Variants in AFG1L observed in about 807,000 individuals in gnomAD.
AFG1L encodes the protein AFG1-like ATPase.
In AFG1L, 53 loss-of-function variants were observed where a neutral mutation model predicts 62.2. That is an observed-to-expected ratio of 0.85 (90% CI 0.68 to 1.07). The LOEUF (loss-of-function observed/expected upper bound fraction) is 1.07. Among genes scored for constraint, AFG1L ranks in the 50% least tolerant of loss-of-function variants. The pLI is 0.00. For synonymous variants in AFG1L, 228 were observed against 210.3 expected (o/e 1.08, Z -0.73); for missense variants, 555 against 590.5 (o/e 0.94, Z 0.62).
intron 1 of AFG1L, 36 bp downstream of exon 1, chr6:108,295,254 G>A (rs1256527069): frequency 1.3e-6 from 2 of 1,572,688 alleles, no homozygotes; most frequent in Non-Finnish European, 1.7e-6. Context: ...CGAGCCGACT[G>A]CATATGACTG....
chr6:108,318,727 G>A lies in AFG1L; in HGVS notation c.140-5098G>A, dbSNP rs17069485. Among the ~76,000 whole-genome samples the A allele has an allele frequency of 5.1e-3, 783 of 152,260 alleles. 6 individuals are homozygous for A. The highest frequency in any genetic ancestry group is 0.018 in the African/African-American group (753 of 41,550). ...AAATTGAAGTATTCGAAAGAATAGC[G>A]CAGACTTTTTGGGTTCCTAAAATCT... On this transcript the variant is annotated intron_variant, in intron 1 of 12. Transcript: ENST00000368977.
At chr6:108,297,265 G>A (rs1048662593) in intron 1 of AFG1L, among the ~76,000 whole-genome samples, 1 of 151,780 alleles carries the variant, frequency 6.6e-6, no homozygotes, top group African/African-American at 2.4e-5. Flanking sequence ...CCACCACCAC[G>A]CCTGGCTAGT....
intron 1 of AFG1L, among the ~76,000 whole-genome samples, chr6:108,303,845 A>C (rs1489965944): frequency 6.6e-6 from 1 of 152,262 alleles, no homozygotes; most frequent in Non-Finnish European, 1.5e-5. Context: ...TCTTTTGAAA[A>C]AAATTAGATC....
At chr6:108,310,445 A>G (rs750567602) in intron 1 of AFG1L, among the ~76,000 whole-genome samples, 92 of 152,062 alleles carry the variant, frequency 6.1e-4, no homozygotes, top group Non-Finnish European at 1.1e-3. Flanking sequence ...TCCTTTGTCC[A>G]TTTAAAAATT....
chr6:108,493,912 C>A (rs527880142), intron 10 of AFG1L, among the ~76,000 whole-genome samples: 1 of 152,302 alleles, frequency 6.6e-6, no homozygotes, highest in Non-Finnish European at 1.5e-5. Context: ...TCTCAGCTCA[C>A]TGCAACCTCC....
At chr6:108,310,803 C>T (rs375316664) in intron 1 of AFG1L, among the ~76,000 whole-genome samples, 2 of 151,940 alleles carry the variant, frequency 1.3e-5, no homozygotes, top group Non-Finnish European at 2.9e-5. Flanking sequence ...TCAAACTCCT[C>T]GGCTCTGAAG....
intron 6 of AFG1L, among the ~76,000 whole-genome samples, chr6:108,380,866 TCTTC>T (rs1780476186): frequency 6.6e-6 from 1 of 152,158 alleles, no homozygotes; most frequent in Non-Finnish European, 1.5e-5. Flanking sequence ...AGAGGAGACT[TCTTC>T]CTTTCTCACA....
At chr6:108,403,543 AGTAATTTTTTTCCCTTTATAT>A (rs1229066357) in intron 7 of AFG1L, among the ~76,000 whole-genome samples, 2 of 152,156 alleles carry the variant, frequency 1.3e-5, no homozygotes, top group African/African-American at 4.8e-5. Flanking sequence ...TTATGCTGTT[AGTAATTTTTTTCCCTTTATAT>A]TCATGCTTTG....
At chr6:108,440,222 A>G (rs951970832) in intron 7 of AFG1L, among the ~76,000 whole-genome samples, 10 of 152,098 alleles carry the variant, frequency 6.6e-5, no homozygotes, top group African/African-American at 2.4e-4. Context: ...TCTGTTGCCC[A>G]GGCTGGAGCA....
intron 10 of AFG1L, among the ~76,000 whole-genome samples, chr6:108,498,084 T>C (rs983489567): frequency 6.6e-6 from 1 of 152,184 alleles, no homozygotes; most frequent in Non-Finnish European, 1.5e-5. Flanking sequence ...GCTTTTGTCC[T>C]TTTTGTGTTC....
rs571856733 is a variant in AFG1L, at chr6:108,304,498, A to G, written c.139+9280A>G. ...TGGCCACTGTTTATGGTTTGTTAAA[A>G]TCAGCACAAATGTACAAATAACTCA... On this transcript the variant is annotated intron_variant, in intron 1 of 12. Coordinates refer to ENST00000368977, the MANE Select transcript of AFG1L (RefSeq NM_145315.5). 6.6e-5 allele frequency among the ~76,000 whole-genome samples: 10 copies of G among 152,358 alleles called. No individual in the cohort carries two copies. In the East Asian group the frequency reaches 1.4e-3, roughly 21 times the overall value.
chr6:108,304,915 T>A (rs986578611), intron 1 of AFG1L, among the ~76,000 whole-genome samples: 1 of 152,232 alleles, frequency 6.6e-6, no homozygotes, highest in African/African-American at 2.4e-5. Context: ...GATTTTGGTT[T>A]CATTCTGCAG....
chr6:108,396,231 AT>A (rs1257700525), intron 6 of AFG1L, among the ~76,000 whole-genome samples: 4 of 151,462 alleles, frequency 2.6e-5, no homozygotes, highest in Admixed American at 1.3e-4. Context: ...TTCAACCTCC[AT>A]TTTTTTAAGA....
chr6:108,449,262 TTATC>T (rs1000233464), intron 8 of AFG1L, among the ~76,000 whole-genome samples: 41 of 152,020 alleles, frequency 2.7e-4, no homozygotes, highest in East Asian at 3.9e-4. Flanking sequence ...TGTCTATCTA[TTATC>T]TATCTATCTA....
At chr6:108,393,969 A>G (rs4946917) in intron 6 of AFG1L, among the ~76,000 whole-genome samples, 6,442 of 150,098 alleles carry the variant, frequency 0.043, 214 homozygotes, top group South Asian at 0.11. Context: ...CATCACCCCA[A>G]AAAGTTTCCT....
At chr6:108,318,385 G>C in intron 1 of AFG1L, 1 of 316,568 alleles carries the variant, frequency 3.2e-6, no homozygotes, top group Non-Finnish European at 6.1e-6. Flanking sequence ...TAAGAGAAAG[G>C]CCAAGTGTTG....
chr6:108,456,391 T>C (rs576308096), intron 8 of AFG1L, among the ~76,000 whole-genome samples: 39 of 152,300 alleles, frequency 2.6e-4, no homozygotes, highest in African/African-American at 7.2e-4. Context: ...AATCTTTTTC[T>C]TTTAATTGGG....
At chr6:108,468,575 A>G (rs1035354143) in intron 8 of AFG1L, among the ~76,000 whole-genome samples, 42 of 151,882 alleles carry the variant, frequency 2.8e-4, no homozygotes, top group African/African-American at 7.7e-4. Context: ...TATTCATTGA[A>G]CCCTGTCAGC....
chr6:108,474,974 C>T (rs1490391337), intron 8 of AFG1L, among the ~76,000 whole-genome samples: 1 of 152,114 alleles, frequency 6.6e-6, no homozygotes, highest in Non-Finnish European at 1.5e-5. Context: ...ATGCCTATGT[C>T]CTGAATGATA....
Sources: allele counts gnomAD v4.1 joint callset (sites outside exome capture counted in the v4.1 genomes callset), GRCh38; gene constraint gnomAD v4.1.1; transcripts MANE v1.5; gene names NCBI Gene and HGNC (gene_info 2026-07-23, HGNC 2026-07-21).